Variants in PPP2R2B observed in about 807,000 individuals in gnomAD.
PPP2R2B encodes the protein serine/threonine-protein phosphatase 2A 55 kDa regulatory subunit B beta isoform.
Under a neutral mutation model 46.0 loss-of-function variants are expected in PPP2R2B, and 5 were observed. That is an observed-to-expected ratio of 0.11 (90% confidence interval 0.06 to 0.23). The LOEUF (loss-of-function observed/expected upper bound fraction) is 0.23. PPP2R2B is among the 10% of genes least tolerant of loss of function. PPP2R2B has a pLI of 1.00. For synonymous variants in PPP2R2B, 215 were observed against 206.7 expected (o/e 1.04, Z -0.34); for missense variants, 367 against 575.0 (o/e 0.64, Z 3.70).
At chr5:146,911,961 G>GGTGCA (rs1476127296) in intron 1 of PPP2R2B, among the ~76,000 whole-genome samples, 2 of 152,168 alleles carry the variant, frequency 1.3e-5, no homozygotes, top group Non-Finnish European at 2.9e-5. Context: ...TAAGAGGCCA[G>GGTGCA]GTGCAGTGGC....
At chr5:146,816,194 A>C (rs920521732) in intron 2 of PPP2R2B, among the ~76,000 whole-genome samples, 6 of 152,270 alleles carry the variant, frequency 3.9e-5, no homozygotes, top group African/African-American at 1.2e-4. Flanking sequence ...GCTTGAGCCC[A>C]GGAGTTTGAG....
intron 7 of PPP2R2B, 43 bp downstream of exon 7, chr5:146,638,208 G>A: frequency 6.3e-7 from 1 of 1,588,214 alleles, no homozygotes; most frequent in East Asian, 2.3e-5. Context: ...AGCACATTGG[G>A]GCCAGTGGCC....
chr5:146,614,696 T>C (rs1204462520), intron 7 of PPP2R2B, among the ~76,000 whole-genome samples: 1 of 20,488 alleles, frequency 4.9e-5, no homozygotes, highest in Admixed American at 5.3e-4. Context: ...GCGAAGGACA[T>C]GAACAGACAC....
In PPP2R2B at chr5:146,850,844, A is replaced by G. The variant is rs533671395; in HGVS notation, c.70+27158T>C. Among the ~76,000 whole-genome samples, 19 of 152,260 alleles carry G rather than the reference A, an allele frequency of 1.2e-4. No homozygotes were observed. The East Asian group carries it at 1.7e-3, about 14-fold the overall frequency. ...TATCTAACCCCATAGCTGGTATACA[A>G]TAAGTGCCCAATAAACACCTATCAA... On this transcript the variant is annotated intron_variant, in intron 2 of 9. Coordinates refer to ENST00000394411, the MANE Select transcript of PPP2R2B (RefSeq NM_181675.4).
At chr5:147,035,044 C>A in intron 1 of PPP2R2B, 2 of 451,408 alleles carry the variant, frequency 4.4e-6, no homozygotes, top group South Asian at 1.6e-5. Flanking sequence ...TGGTAGCAAT[C>A]TCTGAACTCA....
intron 1 of PPP2R2B, among the ~76,000 whole-genome samples, chr5:147,019,580 TTTTTG>T (rs1321189211): frequency 1.3e-5 from 2 of 151,756 alleles, no homozygotes; most frequent in East Asian, 2.0e-4. Context: ...TTTACTTTGT[TTTTTG>T]TTTTGTTTTG....
intron 1 of PPP2R2B, among the ~76,000 whole-genome samples, chr5:146,899,140 C>T (rs1264166794): frequency 7.7e-4 from 115 of 149,452 alleles, no homozygotes; most frequent in African/African-American, 2.7e-3. Context: ...ACCCAAAGGA[C>T]TATAAATCAT....
At chr5:147,032,448 T>C (rs1425157388) in intron 1 of PPP2R2B, among the ~76,000 whole-genome samples, 1 of 152,126 alleles carries the variant, frequency 6.6e-6, no homozygotes, top group African/African-American at 2.4e-5. Context: ...AGATTTTGGT[T>C]CACCTATCAC....
intron 1 of PPP2R2B, among the ~76,000 whole-genome samples, chr5:146,931,137 A>G (rs2151821968): frequency 1.3e-5 from 2 of 152,234 alleles, no homozygotes; most frequent in Middle Eastern, 6.8e-3. Flanking sequence ...ATGCTCAACT[A>G]TAGTTGAAAG....
intron 1 of PPP2R2B, among the ~76,000 whole-genome samples, chr5:146,976,435 C>A (rs1388937791): frequency 6.6e-6 from 1 of 152,048 alleles, no homozygotes; most frequent in Admixed American, 6.6e-5. Context: ...CCATGCCCGG[C>A]CAACAGTTTT....
At chr5:146,915,569 C>G (rs940828973) in intron 1 of PPP2R2B, among the ~76,000 whole-genome samples, 1 of 152,158 alleles carries the variant, frequency 6.6e-6, no homozygotes, top group Non-Finnish European at 1.5e-5. Flanking sequence ...GCATTCAGCC[C>G]TCTGTCCTGA....
chr5:146,671,152 G>A (rs1269612929), intron 5 of PPP2R2B, among the ~76,000 whole-genome samples: 1 of 152,186 alleles, frequency 6.6e-6, no homozygotes, highest in African/African-American at 2.4e-5. Flanking sequence ...ATTACTTACA[G>A]TTGTGTCTTA....
intron 7 of PPP2R2B, among the ~76,000 whole-genome samples, chr5:146,610,106 C>G (rs1466082450): frequency 1.5e-4 from 8 of 54,398 alleles, no homozygotes; most frequent in Non-Finnish European, 3.1e-5. Context: ...TGTCTGACAG[C>G]TTTGAAGAGA....
At chr5:146,971,255 C>A (rs1444528493) in intron 1 of PPP2R2B, among the ~76,000 whole-genome samples, 1 of 152,156 alleles carries the variant, frequency 6.6e-6, no homozygotes, top group Non-Finnish European at 1.5e-5. Context: ...CTTTCCCTCT[C>A]GGCATATTCC....
intron 5 of PPP2R2B, among the ~76,000 whole-genome samples, chr5:146,689,573 G>A (rs991230402): frequency 6.6e-6 from 1 of 152,176 alleles, no homozygotes; most frequent in African/African-American, 2.4e-5. Context: ...CAACAATGAA[G>A]TCACCCAATG....
chr5:146,681,903 C>T (rs1778197598), intron 5 of PPP2R2B, among the ~76,000 whole-genome samples: 1 of 151,470 alleles, frequency 6.6e-6, no homozygotes, highest in Non-Finnish European at 1.5e-5. Flanking sequence ...TGGAAACATC[C>T]AGATTTTCTT....
intron 6 of PPP2R2B, among the ~76,000 whole-genome samples, chr5:146,641,933 A>C (rs1296212189): frequency 6.6e-6 from 1 of 152,202 alleles, no homozygotes; most frequent in Non-Finnish European, 1.5e-5. Flanking sequence ...AGCAAAACAG[A>C]GCATTGAATT....
chr5:146,880,228 G>GTGTGGTA (rs1480336537), upstream of PPP2R2B, among the ~76,000 whole-genome samples: 4 of 149,234 alleles, frequency 2.7e-5, no homozygotes, highest in African/African-American at 9.9e-5. Flanking sequence ...TGTGTGTGGT[G>GTGTGGTA]GGGGGAGTTC....
chr5:147,071,634 G>A (rs1034933181), intron 2 of PPP2R2B, among the ~76,000 whole-genome samples: 6 of 151,270 alleles, frequency 4.0e-5, no homozygotes, highest in East Asian at 3.9e-4. Context: ...TTCACAAGAC[G>A]ATATTTTTTT....
Sources: allele counts gnomAD v4.1 joint callset (sites outside exome capture counted in the v4.1 genomes callset), GRCh38; gene constraint gnomAD v4.1.1; transcripts MANE v1.5; gene names NCBI Gene and HGNC (gene_info 2026-07-23, HGNC 2026-07-21).